ATG7: variants seen among roughly 807,000 people sequenced by gnomAD.
ATG7 encodes ubiquitin-like modifier-activating enzyme ATG7.
ATG7 carries 70 observed loss-of-function variants against 82.4 expected under a neutral mutation model. The observed-to-expected ratio is 0.85, with a 90% CI of 0.70 to 1.04. ATG7 has a LOEUF of 1.04. Ranked by LOEUF, ATG7 falls within the 50% of genes least tolerant of loss-of-function variation. ATG7 has a pLI of 0.00. For missense variants in ATG7, 792 were observed against 864.3 expected, an observed-to-expected ratio of 0.92 and a Z score of 1.05; for synonymous variants, 287 against 313.0, an observed-to-expected ratio of 0.92 and a Z score of 0.88.
At position 11,311,990 on chromosome 3, in the gene ATG7, A is replaced by C. The variant is rs116488218; in HGVS notation, c.412-1314A>C. Among the ~76,000 whole-genome samples, 844 of 151,526 alleles carry C rather than the reference A, an allele frequency of 5.6e-3. 6 individuals are homozygous for C. Among genetic ancestry groups the C allele is most frequent in the African/African-American group, 0.02 (814 of 41,228 alleles). ...AGGAAAATCCACAGAGACAGAAAAT[A>C]GATTAGTGGTTGCCAGGGGATGAGA... On this transcript the variant is annotated intron_variant, in intron 7 of 20. Transcript: ENST00000693202.
chr3:11,320,812 C>T (rs1362048964), intron 9 of ATG7, among the ~76,000 whole-genome samples: 1 of 152,232 alleles, frequency 6.6e-6, no homozygotes, highest in African/African-American at 2.4e-5. Context: ...CAGTGCCTGG[C>T]ACACAGTAGG....
chr3:11,492,110 T>C (rs2088603), intron 20 of ATG7, among the ~76,000 whole-genome samples: 128,806 of 152,196 alleles, frequency 0.85, 54,700 homozygotes, highest in East Asian at 1. Flanking sequence ...TAGCAATCAG[T>C]GAGACTCCGT....
rs1942303764 is a variant in ATG7, at chr3:11,278,199, T to C, written c.-365-2795T>C. Among the ~76,000 whole-genome samples the C allele has an allele frequency of 2.6e-5, 4 of 152,172 alleles. No homozygotes were observed. The South Asian group carries it at 8.3e-4, about 31-fold the overall frequency. Reference sequence around the variant, plus strand: ...AACACAATAGTGGTCCTGAGGTGACTTACATTCTCAGCTTACAAAGATAAC... The same window carrying C: ...AACACAATAGTGGTCCTGAGGTGACCTACATTCTCAGCTTACAAAGATAAC... On this transcript the variant is annotated intron_variant, in intron 1 of 20. Coordinates refer to ENST00000693202, the MANE Select transcript of ATG7 (RefSeq NM_001349232.2).
At chr3:11,295,634 A>C (rs1945750202) in intron 3 of ATG7, among the ~76,000 whole-genome samples, 1 of 152,016 alleles carries the variant, frequency 6.6e-6, no homozygotes, top group Non-Finnish European at 1.5e-5. Flanking sequence ...ATGACCAGTC[A>C]TTTTCTTTGA....
chr3:11,490,301 T>A (rs1442734986), intron 20 of ATG7, among the ~76,000 whole-genome samples: 1 of 152,218 alleles, frequency 6.6e-6, no homozygotes, highest in Non-Finnish European at 1.5e-5. Flanking sequence ...AACCCCTGCC[T>A]TTTTTTGTTT....
intron 20 of ATG7, among the ~76,000 whole-genome samples, chr3:11,545,421 G>A (rs922603565): frequency 3.3e-5 from 5 of 152,232 alleles, no homozygotes; most frequent in Non-Finnish European, 7.4e-5. Flanking sequence ...GAGAGCCTGC[G>A]CAGTGACCCT....
intron 20 of ATG7, among the ~76,000 whole-genome samples, chr3:11,462,796 C>T (rs2086448231): frequency 6.6e-6 from 1 of 152,110 alleles, no homozygotes; most frequent in Non-Finnish European, 1.5e-5. Flanking sequence ...AACATCGTAA[C>T]ATACATAAAT....
Position 11,442,743 on chromosome 3 carries a change from A to C in ATG7, c.2079+15817A>C, listed in dbSNP as rs1221553835. On this transcript the variant is annotated intron_variant, in intron 20 of 20. Coordinates refer to ENST00000693202, the MANE Select transcript of ATG7 (RefSeq NM_001349232.2). ...CATAGTGAGACTCCATCTCTACAAA[A>C]AAAAAAAAAAAAAAAAAAAAAAAAA... Among the ~76,000 whole-genome samples the C allele has an allele frequency of 3.1e-4, 38 of 124,148 alleles. 1 individual carries two copies. The highest frequency in any genetic ancestry group is 4.0e-4 in the African/African-American group (11 of 27,288). 81.4% of individuals were successfully genotyped at this position (124,148 alleles called of 152,430 possible). A position where few individuals can be genotyped will look rare whatever the true frequency, so the allele number is the denominator to read the frequency against.
chr3:11,277,926 C>A (rs536225546), intron 1 of ATG7, among the ~76,000 whole-genome samples: 1 of 139,834 alleles, frequency 7.2e-6, no homozygotes, highest in East Asian at 2.3e-4. Context: ...ATTCCTTTCC[C>A]AGGGTCTTAA....
chr3:11,495,045 C>CTGGG (rs1026896973), intron 20 of ATG7, among the ~76,000 whole-genome samples: 2 of 151,942 alleles, frequency 1.3e-5, no homozygotes, highest in Non-Finnish European at 2.9e-5. Flanking sequence ...GCACTCCAGC[C>CTGGG]TGGGTGACAG....
intron 20 of ATG7, among the ~76,000 whole-genome samples, chr3:11,461,217 A>T (rs1429543882): frequency 1.3e-5 from 2 of 152,192 alleles, no homozygotes; most frequent in African/African-American, 4.8e-5. Context: ...AAATGCAGAG[A>T]CAGCCTGCAC....
intron 20 of ATG7, among the ~76,000 whole-genome samples, chr3:11,437,440 A>G (rs569320675): frequency 2.0e-5 from 3 of 152,346 alleles, no homozygotes; most frequent in African/African-American, 7.2e-5. Context: ...CATAGAAGAC[A>G]TCGCAGATAA....
intron 7 of ATG7, among the ~76,000 whole-genome samples, chr3:11,311,114 T>C (rs916550614): frequency 2.6e-5 from 4 of 152,166 alleles, no homozygotes; most frequent in Non-Finnish European, 4.4e-5. Flanking sequence ...AGTCAGTATG[T>C]GTGTTGGTCT....
chr3:11,534,052 T>A (rs1468879798), intron 20 of ATG7, among the ~76,000 whole-genome samples: 1 of 152,094 alleles, frequency 6.6e-6, no homozygotes, highest in Non-Finnish European at 1.5e-5. Context: ...GTTGGAAAAG[T>A]ACTAGCCAGC....
chr3:11,333,074 A>C lies in ATG7; in HGVS notation c.870A>C (p.Pro290=). Residue 290 remains proline, a synonymous_variant, in exon 11 of 21, where the codon CCA becomes CCC. Transcript: ENST00000693202. ...GCATCATCTTCGAAGTGAAGCTTCC[A>C]GAAATGGCATTTAGCCCAGGTAATT... ...AHSIIFEVKL[P]EMAFSPDCPK... 1 of 1,564,818 alleles carries C rather than the reference A, an allele frequency of 6.4e-7. No individual in the cohort carries two copies.
the ATG7 span, among the ~76,000 whole-genome samples, chr3:11,562,700 CAT>C: frequency 1.0e-3 from 154 of 152,368 alleles, no homozygotes; most frequent in Non-Finnish European, 1.0e-3. Flanking sequence ...ACATGAATGA[CAT>C]GTGCTGACAG....
At chr3:11,275,343 C>CT (rs542108366) in intron 1 of ATG7, among the ~76,000 whole-genome samples, 16,369 of 142,428 alleles carry the variant, frequency 0.11, 1,917 homozygotes, top group African/African-American at 0.3. Context: ...TTCCTCTCCT[C>CT]TTTTTTTTTT....
intron 18 of ATG7, among the ~76,000 whole-genome samples, chr3:11,375,504 A>G (rs1481606661): frequency 6.6e-6 from 1 of 152,196 alleles, no homozygotes; most frequent in African/African-American, 2.4e-5. Context: ...AGACAACAAC[A>G]GGTGTTGACA....
At chr3:11,515,580 G>T (rs1463265037) in intron 20 of ATG7, among the ~76,000 whole-genome samples, 1 of 152,160 alleles carries the variant, frequency 6.6e-6, no homozygotes, top group Non-Finnish European at 1.5e-5. Flanking sequence ...AGCCTCAAGT[G>T]TATATTGACA....
Sources: gnomAD v4.1 joint callset for allele counts (sites outside exome capture counted in the v4.1 genomes callset) on GRCh38, gnomAD v4.1.1 for gene constraint, MANE v1.5 for transcripts, NCBI Gene and HGNC (gene_info 2026-07-23, HGNC 2026-07-21) for gene names.